The following TENM2 variants were observed in gnomAD, a reference collection of about 807,000 sequenced individuals.
The protein encoded by TENM2 is teneurin transmembrane protein 2.
Under a neutral mutation model 245.2 loss-of-function variants are expected in TENM2, and 52 were observed. That is an observed-to-expected ratio of 0.21 (90% CI 0.17 to 0.27). The LOEUF (loss-of-function observed/expected upper bound fraction) is 0.27. TENM2 is among the 10% of genes least tolerant of loss of function. TENM2 has a pLI of 1.00. For missense variants in TENM2, 3,046 were observed against 3,666.8 expected (o/e 0.83, Z 4.37); for synonymous variants, 1,363 against 1,438.9 (o/e 0.95, Z 1.19).
At chr5:167,372,412 C>A (rs766849370) in intron 1 of TENM2, among the ~76,000 whole-genome samples, 4 of 152,202 alleles carry the variant, frequency 2.6e-5, no homozygotes, top group Non-Finnish European at 4.4e-5. Context: ...TGTGTGTACT[C>A]CATGTCCTCC....
chr5:167,885,292 G>A (rs1774196181), intron 3 of TENM2, among the ~76,000 whole-genome samples: 1 of 152,056 alleles, frequency 6.6e-6, no homozygotes, highest in Non-Finnish European at 1.5e-5. Context: ...TGTTGTCTAT[G>A]CTTTTGGTGT....
chr5:167,783,984 G>A (rs1764388306), intron 2 of TENM2, among the ~76,000 whole-genome samples: 1 of 152,116 alleles, frequency 6.6e-6, no homozygotes, highest in African/African-American at 2.4e-5. Context: ...GGGAGATTGA[G>A]GGATGCTTGG....
intron 2 of TENM2, among the ~76,000 whole-genome samples, chr5:167,715,457 G>A (rs1238156314): frequency 2.0e-5 from 3 of 152,202 alleles, no homozygotes; most frequent in Admixed American, 6.5e-5. Context: ...TCCAAAATGA[G>A]CCATTGAAGG....
rs869282464 is a variant in TENM2 at position 167,801,109 on chromosome 5, AATATATATATATATATATATATAT to A, written c.503-74856_503-74833del. On this transcript the variant is annotated intron_variant, in intron 2 of 28. Coordinates refer to ENST00000518659, the Ensembl canonical transcript of TENM2. ...GTATTTGAAAAGAAAAAAAAAAAAAAATATATATATATATATATATATATATATATATATATATATATATGTATA... is the reference window on the plus strand; with the variant it reads ...GTATTTGAAAAGAAAAAAAAAAAAAAATATATATATATATATATATGTATA... 1.1e-4 allele frequency among the ~76,000 whole-genome samples: 7 copies of A among 66,556 alleles called. 1 individual carries two copies. The highest frequency in any genetic ancestry group is 1.0e-3 in the East Asian group (2 of 1,918). The allele number at this position is 66,556 out of a possible 152,430, so 43.7% of individuals were successfully genotyped here. A position where few individuals can be genotyped will look rare whatever the true frequency, so the allele number is the denominator to read the frequency against.
chr5:167,981,486 T>C (rs1169048580), intron 4 of TENM2, among the ~76,000 whole-genome samples: 1 of 152,226 alleles, frequency 6.6e-6, no homozygotes, highest in Non-Finnish European at 1.5e-5. Context: ...TATTGTGGGC[T>C]GGCTAGAATA....
At chr5:167,668,629 C>T (rs1028390369) in intron 2 of TENM2, among the ~76,000 whole-genome samples, 1 of 152,076 alleles carries the variant, frequency 6.6e-6, no homozygotes, top group African/African-American at 2.4e-5. Context: ...TTCTGAGAGA[C>T]CATGAATGAG....
chr5:168,246,622 T>G (rs970010108), intron 26 of TENM2, 135 bp from the exon 29 acceptor site: 169 of 915,768 alleles, frequency 1.8e-4, no homozygotes, highest in Admixed American at 1.3e-4. Flanking sequence ...AATAAATCTG[T>G]TTAATCTGGT....
At chr5:167,419,455 C>A (rs535943720) in intron 2 of TENM2, among the ~76,000 whole-genome samples, 66 of 152,114 alleles carry the variant, frequency 4.3e-4, no homozygotes, top group Admixed American at 1.2e-3. Context: ...AGTGAGACGT[C>A]GTCTCAAAGT....
intron 2 of TENM2, among the ~76,000 whole-genome samples, chr5:167,593,398 A>G (rs1776004107): frequency 6.6e-6 from 1 of 152,194 alleles, no homozygotes; most frequent in Non-Finnish European, 1.5e-5. Context: ...TCTTCTGATC[A>G]TGTACCCTGG....
intron 3 of TENM2, among the ~76,000 whole-genome samples, chr5:167,909,940 A>AT (rs1776420408): frequency 6.7e-6 from 1 of 150,180 alleles, no homozygotes; most frequent in Non-Finnish European, 1.5e-5. Context: ...GCATAAACAC[A>AT]TCTAGACAAA....
intron 2 of TENM2, among the ~76,000 whole-genome samples, chr5:167,589,477 T>A (rs278014): frequency 0.9 from 137,021 of 152,210 alleles, 61,775 homozygotes; most frequent in East Asian, 0.99. Flanking sequence ...GTGCCACATT[T>A]TGTACCATAT....
In TENM2 at chr5:168,218,130, T is replaced by C. The variant is rs746907692; in HGVS notation, c.4239T>C (p.Arg1413=). The C allele has an allele frequency of 2.3e-5, 37 of 1,611,984 alleles. No homozygotes were observed. Among genetic ancestry groups the C allele is most frequent in the Middle Eastern group, 3.3e-4 (2 of 6,050 alleles). The stretch of plus-strand genomic sequence containing the variant: ...TGATACCACGTCATCCACAGGTTCG[T>C]CTGGAGTGGCCAACAGACCTTGCTG... Residue 1413 remains arginine (R), a synonymous_variant, in exon 23 of 29, where the codon CGT becomes CGC. Coordinates refer to ENST00000518659, the Ensembl canonical transcript of TENM2. This position sits in a 1 kb window ranked among gnomAD's most constrained non-coding sequence, Gnocchi z 5.2.
At chr5:167,562,356 AC>A (rs1262560088) in intron 2 of TENM2, among the ~76,000 whole-genome samples, 1 of 152,178 alleles carries the variant, frequency 6.6e-6, no homozygotes, top group Non-Finnish European at 1.5e-5. Flanking sequence ...TAGAAACAAT[AC>A]AATTACGGAC....
intron 9 of TENM2, among the ~76,000 whole-genome samples, chr5:168,107,240 T>C (rs1794317268): frequency 6.6e-6 from 1 of 152,170 alleles, no homozygotes; most frequent in African/African-American, 2.4e-5. Flanking sequence ...TGGATTTTTC[T>C]ATATAAATAT....
At chr5:168,220,199 A>G (rs781448070) in intron 23 of TENM2, among the ~76,000 whole-genome samples, 18 of 151,992 alleles carry the variant, frequency 1.2e-4, no homozygotes, top group Non-Finnish European at 2.6e-4. Context: ...GAAGCTATAC[A>G]CTCACCCAAA....
At chr5:167,038,651 C>T in the TENM2 span, among the ~76,000 whole-genome samples, 3 of 152,114 alleles carry the variant, frequency 2.0e-5, no homozygotes, top group South Asian at 4.1e-4. Context: ...AATAGCCATC[C>T]CCACAAGAAC....
At chr5:168,185,721 A>G (rs1760326502) in intron 13 of TENM2, among the ~76,000 whole-genome samples, 1 of 151,600 alleles carries the variant, frequency 6.6e-6, no homozygotes, top group Non-Finnish European at 1.5e-5. Flanking sequence ...TTAACCTATC[A>G]CTGTTTGGAA....
At chr5:168,016,232 C>T (rs1325200790) in intron 5 of TENM2, among the ~76,000 whole-genome samples, 2 of 152,220 alleles carry the variant, frequency 1.3e-5, no homozygotes, top group Non-Finnish European at 2.9e-5. Context: ...TGTTAAGTAG[C>T]TTGTCCAAGG....
At chr5:167,796,298 A>T (rs1228026890) in intron 2 of TENM2, among the ~76,000 whole-genome samples, 1 of 152,116 alleles carries the variant, frequency 6.6e-6, no homozygotes. Flanking sequence ...TGTTCTTTGG[A>T]TCAAGACCAA....
Sources: allele counts gnomAD v4.1 joint callset (sites outside exome capture counted in the v4.1 genomes callset), GRCh38; gene constraint gnomAD v4.1.1; non-coding constraint Gnocchi (gnomAD v3.1); transcripts MANE v1.5; gene names NCBI Gene and HGNC (gene_info 2026-07-23, HGNC 2026-07-21).